SV2C: variants seen among roughly 807,000 people sequenced by gnomAD.
SV2C encodes synaptic vesicle glycoprotein 2C.
In SV2C, 49 loss-of-function variants were observed where a neutral mutation model predicts 79.7. The observed-to-expected ratio is 0.61, with a 90% CI of 0.49 to 0.78. The LOEUF is 0.78. Among genes scored for constraint, SV2C ranks in the 30% least tolerant of loss-of-function variants. The pLI, the probability that SV2C is intolerant of heterozygous loss-of-function variation, is 0.00. For missense variants in SV2C, 833 were observed against 912.9 expected (o/e 0.91, Z 1.13); for synonymous variants, 334 against 333.2 (o/e 1.00, Z -0.03).
At chr5:76,280,692 G>T (rs1028596006) in intron 4 of SV2C, among the ~76,000 whole-genome samples, 1 of 152,184 alleles carries the variant, frequency 6.6e-6, no homozygotes, top group Non-Finnish European at 1.5e-5. Context: ...TTTCCCCGGG[G>T]GGTGCCTGGG....
the SV2C span, among the ~76,000 whole-genome samples, chr5:75,984,759 G>A: frequency 1.3e-5 from 2 of 152,012 alleles, no homozygotes; most frequent in Admixed American, 6.6e-5. Context: ...AGGGCAGGCT[G>A]GAACTTTCAG....
intron 4 of SV2C, among the ~76,000 whole-genome samples, chr5:76,282,311 C>T (rs1172082331): frequency 2.0e-5 from 3 of 152,172 alleles, no homozygotes; most frequent in Non-Finnish European, 4.4e-5. Flanking sequence ...TTACATTCAC[C>T]AGACTATGGA....
intron 4 of SV2C, among the ~76,000 whole-genome samples, chr5:76,280,634 G>A (rs948470069): frequency 6.6e-6 from 1 of 152,158 alleles, no homozygotes; most frequent in Non-Finnish European, 1.5e-5. Flanking sequence ...CAAAAGGAGG[G>A]AGCCTGCCCC....
intron 2 of SV2C, among the ~76,000 whole-genome samples, chr5:76,181,545 A>G (rs1293101677): frequency 1.3e-5 from 2 of 152,266 alleles, no homozygotes; most frequent in African/African-American, 4.8e-5. Context: ...GAAATTTACA[A>G]TCTTGGCAGA....
chr5:76,048,827 T>A, the SV2C span, among the ~76,000 whole-genome samples: 13 of 126,438 alleles, frequency 1.0e-4, no homozygotes, highest in Admixed American at 2.6e-4. Flanking sequence ...AAAAAAAAAA[T>A]TTTGGGGCTG....
chr5:75,853,374 G>A, the SV2C span, among the ~76,000 whole-genome samples: 2 of 151,496 alleles, frequency 1.3e-5, no homozygotes, highest in Non-Finnish European at 2.9e-5. Context: ...GGCTAACACG[G>A]TGAAACCCTG....
At chr5:76,193,278 G>T (rs1172420859) in intron 2 of SV2C, among the ~76,000 whole-genome samples, 1 of 152,112 alleles carries the variant, frequency 6.6e-6, no homozygotes, top group African/African-American at 2.4e-5. Flanking sequence ...TATTCTCAGG[G>T]GTCTGAAAGT....
the SV2C span, among the ~76,000 whole-genome samples, chr5:75,871,873 A>T: frequency 0.078 from 10,499 of 135,074 alleles, 1,252 homozygotes; most frequent in African/African-American, 0.3. Flanking sequence ...ATATATTTTT[A>T]TTATTATTAT....
chr5:76,087,966 G>A (rs1194141120), intron 1 of SV2C, among the ~76,000 whole-genome samples: 1 of 152,180 alleles, frequency 6.6e-6, no homozygotes, highest in African/African-American at 2.4e-5. Context: ...ACATTGTAAT[G>A]ACAGGTTAGT....
the SV2C span, among the ~76,000 whole-genome samples, chr5:76,020,534 C>T: frequency 1.3e-5 from 2 of 152,290 alleles, no homozygotes; most frequent in East Asian, 3.9e-4. Context: ...AGCTCATCAC[C>T]TGGAAATCCT....
chr5:76,125,639 TCAGAGTACTTTATAGGACCACAAG>T (rs1748680270), intron 1 of SV2C, among the ~76,000 whole-genome samples: 1 of 152,156 alleles, frequency 6.6e-6, no homozygotes, highest in African/African-American at 2.4e-5. Context: ...TCATATAAAG[TCAGAGTACTTTATAGGACCACAAG>T]GTGCAGATTG....
intron 1 of SV2C, among the ~76,000 whole-genome samples, chr5:76,092,972 T>C (rs1747429964): frequency 6.6e-6 from 1 of 152,160 alleles, no homozygotes; most frequent in Non-Finnish European, 1.5e-5. Context: ...TTTTATACCT[T>C]GAGGAAGAGG....
intron 2 of SV2C, among the ~76,000 whole-genome samples, chr5:76,135,833 G>A (rs1236220593): frequency 6.6e-6 from 1 of 152,124 alleles, no homozygotes; most frequent in Non-Finnish European, 1.5e-5. Flanking sequence ...GAGGGGGGCA[G>A]GTATGGTTCT....
chr5:75,875,560 G>C, the SV2C span, among the ~76,000 whole-genome samples: 24,777 of 152,076 alleles, frequency 0.16, 3,009 homozygotes, highest in African/African-American at 0.35. Flanking sequence ...GTAATTGCAA[G>C]AAAAGCAAAA....
the SV2C span, chr5:75,920,564 G>T: frequency 4.1e-6 from 2 of 485,928 alleles, no homozygotes; most frequent in South Asian, 2.9e-5. Context: ...GCCATGGCTG[G>T]CTGGATTGGA....
rs746487296 is a variant in SV2C, at chr5:76,174,175, C to T, written c.581-20744C>T. 6.8e-6 allele frequency: 11 copies of T among 1,612,490 alleles called. No homozygotes were observed. The South Asian group carries it at 7.7e-5, about 11-fold the overall frequency. The stretch of plus-strand genomic sequence containing the variant: ...GTGAGCCAAGAACGACTAGCTTATA[C>T]TCACGCATGATGCAAGCTTGTCAAA... On this transcript the variant is annotated intron_variant, in intron 2 of 12. Coordinates refer to ENST00000502798, the MANE Select transcript of SV2C (RefSeq NM_014979.4).
At chr5:76,282,961 G>A (rs1185377438) in intron 4 of SV2C, among the ~76,000 whole-genome samples, 6 of 152,136 alleles carry the variant, frequency 3.9e-5, no homozygotes, top group Admixed American at 1.3e-4. Flanking sequence ...ACAGTGAGCC[G>A]AGATCATGCC....
the SV2C span, among the ~76,000 whole-genome samples, chr5:75,986,445 A>G: frequency 6.6e-6 from 1 of 151,752 alleles, no homozygotes. Context: ...GCAAGAAAAC[A>G]TTGCCCCTCA....
At chr5:75,871,285 A>G in the SV2C span, among the ~76,000 whole-genome samples, 1 of 152,222 alleles carries the variant, frequency 6.6e-6, no homozygotes, top group Non-Finnish European at 1.5e-5. Context: ...ATCATGCCCA[A>G]CAGTTAGGCA....
Sources: allele counts gnomAD v4.1 joint callset (sites outside exome capture counted in the v4.1 genomes callset), GRCh38; gene constraint gnomAD v4.1.1; transcripts MANE v1.5; gene names NCBI Gene and HGNC (gene_info 2026-07-23, HGNC 2026-07-21).